BRD1: variants seen among roughly 807,000 people sequenced by gnomAD.
The protein encoded by BRD1 is bromodomain-containing protein 1.
In BRD1, 24 loss-of-function variants were observed where a neutral mutation model predicts 107.7. That is an observed-to-expected ratio of 0.22 (90% CI 0.16 to 0.31). BRD1 has a LOEUF of 0.31. Ranked by LOEUF, BRD1 falls within the 10% of genes least tolerant of loss-of-function variation. The probability of loss-of-function intolerance (pLI) is 1.00; values close to 1 mark genes in which losing one functional copy is unlikely to be tolerated. For missense variants in BRD1, 1,279 were observed against 1,638.6 expected (o/e 0.78, Z 3.79); for synonymous variants, 744 against 686.1 (o/e 1.08, Z -1.32).
chr22:49,809,450 A>G (rs1801430179), intron 2 of BRD1, among the ~76,000 whole-genome samples: 1 of 151,964 alleles, frequency 6.6e-6, no homozygotes, highest in African/African-American at 2.4e-5. Flanking sequence ...TTGAGGCAGG[A>G]GAATCGCTTG....
rs570246212 is a variant in BRD1, at chr22:49,783,587, G to A, written c.2857+3803C>T. 3.3e-5 allele frequency among the ~76,000 whole-genome samples: 5 copies of A among 152,320 alleles called. No homozygotes were observed. The highest frequency in any genetic ancestry group is 3.9e-4 in the East Asian group (2 of 5,182). On this transcript the variant is annotated intron_variant, in intron 8 of 12. Transcript: ENST00000404760. This position sits in a 1 kb window ranked among gnomAD's most constrained non-coding sequence, Gnocchi z 4.2. ...GCCTCAGAATGCTGTCCACTGTGTC[G>A]TCAGCTGCAGCAGGCTCCCAGTCGG...
rs142330712 is a variant in BRD1, at chr22:49,774,254, G to A, written c.3549C>T (p.Ser1183=). ...HLSRVHGEPT[S]DLSDID The stretch of plus-strand genomic sequence containing the variant: ...GCCGTCAGTCAATGTCACTGAGGTC[G>A]CTGGTCGGCTCCCCGTGGACGCGGC... The change falls in exon 13 of 13, where the codon AGC becomes AGT. Residue 1183 remains serine (S), a synonymous_variant. Transcript: ENST00000404760. The A allele has an allele frequency of 2.0e-4, 326 of 1,613,850 alleles. No homozygotes were observed. In the African/African-American group the frequency reaches 3.1e-3, roughly 15 times the overall value.
intron 2 of BRD1, among the ~76,000 whole-genome samples, chr22:49,819,426 G>A (rs765169356): frequency 8.6e-5 from 13 of 151,814 alleles, no homozygotes; most frequent in Non-Finnish European, 1.8e-4. Context: ...GGTGGCACAT[G>A]CCTGTGGTCC....
At chr22:49,810,976 T>G (rs968303122) in intron 2 of BRD1, among the ~76,000 whole-genome samples, 1 of 151,758 alleles carries the variant, frequency 6.6e-6, no homozygotes. Flanking sequence ...TCATAATAGC[T>G]CCAAAGTAGG....
intron 2 of BRD1, among the ~76,000 whole-genome samples, chr22:49,821,567 GGTAAA>G (rs1339941886): frequency 2.0e-5 from 3 of 151,714 alleles, no homozygotes; most frequent in Non-Finnish European, 4.4e-5. Flanking sequence ...ACTTCACTTT[GGTAAA>G]GTAGAGTAAT....
In BRD1 at chr22:49,823,051, T is replaced by C; in HGVS notation, c.1267A>G (p.Thr423Ala). The C allele has an allele frequency of 6.2e-7, 1 of 1,614,258 alleles. No homozygotes were observed. Among genetic ancestry groups the C allele is most frequent in the Non-Finnish European group, 8.5e-7 (1 of 1,180,048 alleles). The change falls in exon 2 of 13, where the codon ACA becomes GCA. Residue 423 changes from threonine (T) to alanine (A), a missense_variant. Coordinates refer to ENST00000404760, the MANE Select transcript of BRD1 (RefSeq NM_001304808.3). ...KESSVKTVRS[T>A]SKVRKKAKKA... ...TTTGCCTTCTTCCTGACCTTGGATG[T>C]GGACCTGACCGTTTTAACCGAGCTC... is the stretch of plus-strand genomic sequence containing the variant.
chr22:49,775,985 C>T, intron 11 of BRD1, 65 bp downstream of exon 11: 3 of 1,466,088 alleles, frequency 2.0e-6, no homozygotes, highest in East Asian at 4.8e-5. Flanking sequence ...CTCCTCGGAC[C>T]ACCCCCGCCC....
chr22:49,814,447 C>T lies in BRD1; in HGVS notation c.1367+8504G>A, dbSNP rs1386893267. Among the ~76,000 whole-genome samples, 4 of 152,202 alleles carry T rather than the reference C, an allele frequency of 2.6e-5. No individual in the cohort carries two copies. The East Asian group carries it at 7.7e-4, about 29-fold the overall frequency. On this transcript the variant is annotated intron_variant, in intron 2 of 12. Coordinates refer to ENST00000404760, the MANE Select transcript of BRD1 (RefSeq NM_001304808.3). ...GGGGACTCCTGCACCAAGGCTGGGG[C>T]ACCACAAAGCCTGCTGCCCATCGCC... is the stretch of plus-strand genomic sequence containing the variant.
At chr22:49,790,137 T>A (rs1330143568) in intron 7 of BRD1, among the ~76,000 whole-genome samples, 5 of 152,124 alleles carry the variant, frequency 3.3e-5, no homozygotes. Flanking sequence ...GTCGTCTGGG[T>A]GCTCAGCCAC....
chr22:49,795,097 T>C (rs540900698), intron 6 of BRD1, among the ~76,000 whole-genome samples: 6 of 152,236 alleles, frequency 3.9e-5, no homozygotes, highest in African/African-American at 1.2e-4. Flanking sequence ...TTTGGCTGAA[T>C]AAATAAAGTA....
At chr22:49,820,959 A>G (rs183285679) in intron 2 of BRD1, 4 of 152,430 alleles carry the variant, frequency 2.6e-5, no homozygotes, top group Admixed American at 6.5e-5. Context: ...ACACTCGTCC[A>G]GGTTTGTTTC....
At position 49,787,844 on chromosome 22, in the gene BRD1, A is replaced by C. The variant is rs2059360183; in HGVS notation, c.2403T>G (p.Pro801=). The C allele has an allele frequency of 6.5e-7, 1 of 1,549,546 alleles. No homozygotes were observed. The highest frequency in any genetic ancestry group is 2.0e-5 in the Admixed American group (1 of 50,952). Residue 801 remains proline, a synonymous_variant, in exon 8 of 13, where the codon CCT becomes CCG. Transcript: ENST00000404760. ...AATTAGTCTCCGAGTTTGAAGGAAGAGGTAATGCATCTGATGGTTCAAGTT... is the reference window on the plus strand; with the variant it reads ...AATTAGTCTCCGAGTTTGAAGGAAGCGGTAATGCATCTGATGGTTCAAGTT... ...PPKLEPSDAL[P]LPSNSETNSE...
Position 49,824,124 on chromosome 22 carries a change from A to T in BRD1, c.194T>A (p.Leu65His), listed in dbSNP as rs2060119550. The stretch of plus-strand genomic sequence containing the variant: ...GCACTCACTCATCTCTTGAGCAGTG[A>T]GGTCATCTTCCAATATGATCTCCAG... ...DPLEIILEDDLTAQEMSECNS... is the reference protein window; with the variant it reads ...DPLEIILEDDHTAQEMSECNS... Residue 65 changes from leucine (L) to histidine (H), a missense_variant, in exon 2 of 13, where the codon CTC becomes CAC. Transcript: ENST00000404760. This position sits in a 1 kb window ranked among gnomAD's most constrained non-coding sequence, Gnocchi z 5.9. 6.2e-7 allele frequency: 1 copy of T among 1,613,880 alleles called. No homozygotes were observed. The highest frequency in any genetic ancestry group is 1.7e-5 in the Admixed American group (1 of 60,014).
Position 49,783,566 on chromosome 22 carries a change from C to T in BRD1, c.2857+3824G>A, listed in dbSNP as rs1284752349. ...GCTCCGCACATGCTCAGGACAGCCT[C>T]AGAATGCTGTCCACTGTGTCGTCAG... On this transcript the variant is annotated intron_variant, in intron 8 of 12. Transcript: ENST00000404760. This position sits in a 1 kb window ranked among gnomAD's most constrained non-coding sequence, Gnocchi z 4.2. Among the ~76,000 whole-genome samples, 1 of 152,236 alleles carries T rather than the reference C, an allele frequency of 6.6e-6. No homozygotes were observed. Among genetic ancestry groups the T allele is most frequent in the Admixed American group, 6.5e-5 (1 of 15,284 alleles).
At chr22:49,812,411 A>T (rs2059867120) in intron 2 of BRD1, among the ~76,000 whole-genome samples, 1 of 152,230 alleles carries the variant, frequency 6.6e-6, no homozygotes, top group Non-Finnish European at 1.5e-5. Flanking sequence ...GACATTAAAG[A>T]AGTCCTAGAG....
At chr22:49,775,823 CCG>C (rs1491076745) in intron 11 of BRD1, 78 bp from the exon 12 acceptor site, 14,957 of 1,361,048 alleles carry the variant, frequency 0.011, 112 homozygotes, top group African/African-American at 0.041. Flanking sequence ...GCACCCCCCC[CCG>C]CCTCCCCACC....
chr22:49,814,770 T>C (rs2059918294), intron 2 of BRD1, among the ~76,000 whole-genome samples: 2 of 152,238 alleles, frequency 1.3e-5, no homozygotes, highest in Non-Finnish European at 2.9e-5. Flanking sequence ...GAGGTGATTA[T>C]GTGTGGCAGT....
intron 8 of BRD1, among the ~76,000 whole-genome samples, chr22:49,780,740 G>A (rs753648021): frequency 8.5e-5 from 13 of 152,184 alleles, no homozygotes; most frequent in African/African-American, 3.1e-4. Context: ...GCCAACTCCC[G>A]CCCTGGGAGG....
At chr22:49,796,706 G>A (rs2059538826) in intron 6 of BRD1, among the ~76,000 whole-genome samples, 1 of 152,210 alleles carries the variant, frequency 6.6e-6, no homozygotes, top group African/African-American at 2.4e-5. Context: ...ATCCTCACAG[G>A]TGCCGAGTGC....
Sources: allele counts gnomAD v4.1 joint callset (sites outside exome capture counted in the v4.1 genomes callset), GRCh38; gene constraint gnomAD v4.1.1; non-coding constraint Gnocchi (gnomAD v3.1); transcripts MANE v1.5; gene names NCBI Gene and HGNC (gene_info 2026-07-23, HGNC 2026-07-21).